Variants in ACTR1A observed in about 807,000 individuals in gnomAD.
The protein encoded by ACTR1A is alpha-centractin.
In ACTR1A, 10 loss-of-function variants were observed where a neutral mutation model predicts 50.7. That is an observed-to-expected ratio of 0.20 (90% confidence interval 0.12 to 0.33). ACTR1A has a LOEUF of 0.33. Among genes scored for constraint, ACTR1A ranks in the 10% least tolerant of loss-of-function variants. ACTR1A has a pLI of 1.00. For missense variants in ACTR1A, 253 were observed against 491.7 expected (o/e 0.51, Z 4.59); for synonymous variants, 177 against 184.2 (o/e 0.96, Z 0.32).
intron 1 of ACTR1A, among the ~76,000 whole-genome samples, chr10:102,491,678 C>T (rs947787817): frequency 6.6e-6 from 1 of 152,182 alleles, no homozygotes; most frequent in Admixed American, 6.6e-5. Flanking sequence ...ACCCAGGGCC[C>T]AATCAATGTA....
At chr10:102,500,251 T>A (rs1369157495) in intron 1 of ACTR1A, among the ~76,000 whole-genome samples, 1 of 152,040 alleles carries the variant, frequency 6.6e-6, no homozygotes, top group Non-Finnish European at 1.5e-5. Context: ...CTGGCCAATA[T>A]GGTGAAACCC....
intron 1 of ACTR1A, among the ~76,000 whole-genome samples, chr10:102,502,103 C>A (rs946094498): frequency 2.0e-5 from 3 of 152,230 alleles, no homozygotes; most frequent in Admixed American, 2.0e-4. Context: ...CACCCAGAGT[C>A]CCGGAAGCCA....
intron 1 of ACTR1A, among the ~76,000 whole-genome samples, chr10:102,500,030 C>A (rs2062240263): frequency 6.6e-6 from 1 of 152,142 alleles, no homozygotes; most frequent in East Asian, 1.9e-4. Context: ...AAAGGAATAT[C>A]ATCTTTCTTA....
At position 102,482,407 on chromosome 10, in the gene ACTR1A, G is replaced by A; in HGVS notation, c.751-232C>T. 4 of 573,816 alleles carry A rather than the reference G, an allele frequency of 7.0e-6. No individual in the cohort carries two copies. Among genetic ancestry groups the A allele is most frequent in the Non-Finnish European group, 1.2e-5 (4 of 323,142 alleles). 35.5% of individuals were successfully genotyped at this position (573,816 alleles called of 1,614,324 possible). The stretch of plus-strand genomic sequence containing the variant: ...TCGCTCTGGCATTTTCCAGCCAAGA[G>A]GTCTTTGGCATCAGTACATGGATTT... On this transcript the variant is annotated intron_variant, in intron 7 of 10. Coordinates refer to ENST00000369905, the MANE Select transcript of ACTR1A (RefSeq NM_005736.4). The surrounding 1 kb of genome is among the most constrained non-coding windows in gnomAD (Gnocchi z 5.6).
intron 4 of ACTR1A, among the ~76,000 whole-genome samples, chr10:102,486,870 C>T (rs1253021562): frequency 1.3e-5 from 2 of 151,382 alleles, no homozygotes; most frequent in Admixed American, 1.3e-4. Context: ...ACTGCAACCT[C>T]GATGCCCCCA....
chr10:102,489,614 G>T (rs1449237578), intron 2 of ACTR1A, among the ~76,000 whole-genome samples: 1 of 151,872 alleles, frequency 6.6e-6, no homozygotes, highest in African/African-American at 2.4e-5. Flanking sequence ...AAGAGTTTGA[G>T]ACCAGCCTGG....
chr10:102,483,138 A>C lies in ACTR1A; in HGVS notation c.658-35T>G, dbSNP rs746707027. The C allele has an allele frequency of 1.5e-5, 22 of 1,514,940 alleles. No homozygotes were observed. In the Middle Eastern group the frequency reaches 5.1e-4, roughly 35 times the overall value. The allele number at this position is 1,514,940 out of a possible 1,614,324, so 93.8% of individuals were successfully genotyped here. On this transcript the variant is annotated intron_variant, in intron 6 of 10. Transcript: ENST00000369905. The stretch of plus-strand genomic sequence containing the variant: ...CAAGCAAGACAGTCAGGCTGGCAGG[A>C]AATCTGGTGCACATCCAGTCAAAGG...
Position 102,480,256 on chromosome 10 carries a change from G to A in ACTR1A, c.*607C>T, listed in dbSNP as rs184483454. On this transcript the variant is annotated 3_prime_UTR_variant, in exon 11 of 11. Transcript: ENST00000369905. ...TGCTCCTGCCCTCCTCCAGTGGCCG[G>A]TGTGGTCCTGTTCCCTGGTGAACAT... The A allele has an allele frequency of 2.8e-3, 452 of 159,556 alleles. No homozygotes were observed. Among genetic ancestry groups the A allele is most frequent in the Middle Eastern group, 6.5e-3 (2 of 308 alleles). 9.9% of individuals were successfully genotyped at this position (159,556 alleles called of 1,614,324 possible).
chr10:102,489,922 T>A (rs2062184197), intron 2 of ACTR1A, among the ~76,000 whole-genome samples: 1 of 151,892 alleles, frequency 6.6e-6, no homozygotes, highest in South Asian at 2.1e-4. Flanking sequence ...GCCTGCAGTC[T>A]CTCTGTCTTA....
chr10:102,489,399 G>C (rs2062182353), intron 2 of ACTR1A, among the ~76,000 whole-genome samples: 1 of 151,910 alleles, frequency 6.6e-6, no homozygotes, highest in Non-Finnish European at 1.5e-5. Flanking sequence ...AATACCTCTA[G>C]TTCTTCTCTT....
intron 1 of ACTR1A, among the ~76,000 whole-genome samples, chr10:102,500,685 A>G (rs1252672421): frequency 6.6e-6 from 1 of 152,104 alleles, no homozygotes; most frequent in African/African-American, 2.4e-5. Flanking sequence ...TTGAACCTGG[A>G]GGCGGAGGCT....
chr10:102,488,330 T>A lies in ACTR1A; in HGVS notation c.190-55A>T. ...CAGTCAGGCTCCACCCAGGACCCTG[T>A]TCTCCCAAGACTAAGCAGTGCAAGC... On this transcript the variant is annotated intron_variant, in intron 3 of 10. Transcript: ENST00000369905. This position sits in a 1 kb window ranked among gnomAD's most constrained non-coding sequence, Gnocchi z 4.4. 6.3e-7 allele frequency: 1 copy of A among 1,593,876 alleles called. No individual in the cohort carries two copies. The highest frequency in any genetic ancestry group is 8.6e-7 in the Non-Finnish European group (1 of 1,163,478).
At chr10:102,496,593 G>T (rs2062223724) in intron 1 of ACTR1A, among the ~76,000 whole-genome samples, 1 of 152,164 alleles carries the variant, frequency 6.6e-6, no homozygotes, top group African/African-American at 2.4e-5. Flanking sequence ...CACCTTTTCT[G>T]TCAAGCTAGG....
chr10:102,494,484 C>G (rs1471122110), intron 1 of ACTR1A, among the ~76,000 whole-genome samples: 1 of 152,084 alleles, frequency 6.6e-6, no homozygotes, highest in Non-Finnish European at 1.5e-5. Flanking sequence ...CAAAAATTAG[C>G]TGGGCATGGT....
chr10:102,487,627 TTTTC>T (rs2062174783), intron 4 of ACTR1A, among the ~76,000 whole-genome samples: 1 of 141,268 alleles, frequency 7.1e-6, no homozygotes, highest in East Asian at 2.0e-4. Flanking sequence ...ACCACTTGGC[TTTTC>T]TTTTTTTTTT....
intron 1 of ACTR1A, among the ~76,000 whole-genome samples, chr10:102,496,548 A>T (rs930727676): frequency 1.3e-5 from 2 of 152,340 alleles, no homozygotes; most frequent in Admixed American, 6.5e-5. Flanking sequence ...TACATAATTG[A>T]ACAGTGAAAA....
intron 2 of ACTR1A, 69 bp downstream of exon 2, chr10:102,490,480 C>G (rs2062186847): frequency 7.6e-7 from 1 of 1,323,542 alleles, no homozygotes; most frequent in Non-Finnish European, 1.1e-6. Context: ...CGGCTCCTGT[C>G]CCTTATAGGG....
chr10:102,488,257 A>G lies in ACTR1A; in HGVS notation c.208T>C (p.Ser70Pro). The change falls in exon 4 of 11, where the codon TCA (serine) becomes CCA (proline). Residue 70 changes from serine to proline, a missense_variant. This residue lies in a region of ACTR1A where 96 missense variants were observed against 238.7 expected (regional missense o/e 0.40). Coordinates refer to ENST00000369905, the MANE Select transcript of ACTR1A (RefSeq NM_005736.4). This position sits in a 1 kb window ranked among gnomAD's most constrained non-coding sequence, Gnocchi z 4.4. Reference sequence around the variant, plus strand: ...CCATGCTCCATGGGATAGCGGATTGAAAGCAGCCCTCGGTGCTCCTGGGAA... The same window carrying G: ...CCATGCTCCATGGGATAGCGGATTGGAAGCAGCCCTCGGTGCTCCTGGGAA... The part of the protein sequence containing the change: ...PKAEEHRGLL[S>P]IRYPMEHGIV... 1 of 1,613,864 alleles carries G rather than the reference A, an allele frequency of 6.2e-7. No individual in the cohort carries two copies. The highest frequency in any genetic ancestry group is 8.5e-7 in the Non-Finnish European group (1 of 1,179,768).
At chr10:102,494,655 C>A (rs6584505) in intron 1 of ACTR1A, among the ~76,000 whole-genome samples, 45,656 of 151,076 alleles carry the variant, frequency 0.3, 7,196 homozygotes, top group Admixed American at 0.35. Context: ...AACCAACCAA[C>A]CAAACAAACA....
Sources: allele counts gnomAD v4.1 joint callset (sites outside exome capture counted in the v4.1 genomes callset), GRCh38; gene constraint gnomAD v4.1.1; regional missense constraint gnomAD v4.1.1; non-coding constraint Gnocchi (gnomAD v3.1); transcripts MANE v1.5; gene names NCBI Gene and HGNC (gene_info 2026-07-23, HGNC 2026-07-21).